PAICS: variants seen among roughly 807,000 people sequenced by gnomAD.
The protein encoded by PAICS is phosphoribosylaminoimidazole carboxylase and phosphoribosylaminoimidazolesuccinocarboxamide synthase.
In PAICS, 33 loss-of-function variants were observed where a neutral mutation model predicts 53.7. The observed-to-expected ratio is 0.61, with a 90% confidence interval of 0.47 to 0.82. PAICS has a LOEUF of 0.82. Among genes scored for constraint, PAICS ranks in the 40% least tolerant of loss-of-function variants. The pLI is 0.00. For synonymous variants in PAICS, 141 were observed against 167.2 expected (o/e 0.84, Z 1.21); for missense variants, 394 against 494.1 (o/e 0.80, Z 1.92).
the PAICS span, chr4:56,425,354 TTTCATTTTAATCCAATAGTACA>T: frequency 3.7e-6 from 2 of 546,558 alleles, no homozygotes; most frequent in Non-Finnish European, 4.7e-6. Flanking sequence ...ACTGAGAACT[TTTCATTTTAATCCAATAGTACA>T]TCCAGATAGA....
rs1374034846 is a variant in PAICS, at chr4:56,446,477, C to T, written c.215-218C>T. The T allele has an allele frequency of 1.3e-4, 92 of 691,034 alleles. 3 individuals are homozygous for T. Among genetic ancestry groups the T allele is most frequent in the South Asian group, 1.2e-3 (77 of 62,930 alleles). 42.8% of individuals were successfully genotyped at this position (691,034 alleles called of 1,614,324 possible). On this transcript the variant is annotated intron_variant, in intron 2 of 8. Coordinates refer to ENST00000512576, the MANE Select transcript of PAICS (RefSeq NM_001079524.2). ...CATGGATGTATCAGGAATTTCGTTC[C>T]TTTTTATGGCTGAACAATACATTGT... is the stretch of plus-strand genomic sequence containing the variant.
At chr4:56,454,991 C>G (rs902141400) in intron 8 of PAICS, among the ~76,000 whole-genome samples, 1 of 152,060 alleles carries the variant, frequency 6.6e-6, no homozygotes, top group Non-Finnish European at 1.5e-5. Context: ...AACCCCATCT[C>G]TACTAAAAAT....
At chr4:56,439,323 G>A (rs1237856770) in intron 1 of PAICS, among the ~76,000 whole-genome samples, 2 of 152,004 alleles carry the variant, frequency 1.3e-5, no homozygotes, top group East Asian at 1.9e-4. Flanking sequence ...TGCAACCTCC[G>A]CCTTTCAGGT....
At chr4:56,424,425 A>C in the PAICS span, among the ~76,000 whole-genome samples, 1 of 152,188 alleles carries the variant, frequency 6.6e-6, no homozygotes, top group Non-Finnish European at 1.5e-5. Flanking sequence ...GGACTGATTC[A>C]CACAGAAGTT....
At chr4:56,454,139 G>A (rs1373344541) in intron 8 of PAICS, among the ~76,000 whole-genome samples, 1 of 152,196 alleles carries the variant, frequency 6.6e-6, no homozygotes, top group Non-Finnish European at 1.5e-5. Context: ...GCTCAAATCT[G>A]TGCTGGCTTT....
At chr4:56,412,984 G>T in the PAICS span, among the ~76,000 whole-genome samples, 8 of 143,394 alleles carry the variant, frequency 5.6e-5, no homozygotes, top group Admixed American at 3.0e-4. Flanking sequence ...ACAATTAATG[G>T]TTCCATAATA....
chr4:56,440,623 A>G (rs145918956), intron 1 of PAICS, among the ~76,000 whole-genome samples: 3 of 152,282 alleles, frequency 2.0e-5, no homozygotes, highest in African/African-American at 7.2e-5. Flanking sequence ...TCCTTTGGCT[A>G]AATTTCGATG....
At chr4:56,448,620 T>TA in intron 4 of PAICS, 23 bp downstream of exon 4, 1 of 1,569,924 alleles carries the variant, frequency 6.4e-7, no homozygotes, top group Non-Finnish European at 8.7e-7. Context: ...CAAGTACAGA[T>TA]AAAACAACAG....
the PAICS span, among the ~76,000 whole-genome samples, chr4:56,412,986 T>G: frequency 7.2e-6 from 1 of 139,158 alleles, no homozygotes; most frequent in Admixed American, 7.9e-5. Context: ...AATTAATGGT[T>G]CCATAATATT....
chr4:56,427,947 ATGCCCAC>A, the PAICS span, among the ~76,000 whole-genome samples: 1 of 152,228 alleles, frequency 6.6e-6, no homozygotes, highest in African/African-American at 2.4e-5. Flanking sequence ...GAAAATGTCT[ATGCCCAC>A]TTCTCACTAA....
chr4:56,437,788 T>TGG (rs1718094829), intron 1 of PAICS, among the ~76,000 whole-genome samples: 1 of 116,706 alleles, frequency 8.6e-6, no homozygotes, highest in Non-Finnish European at 1.6e-5. Context: ...GCCACTGCAC[T>TGG]CCAGCCTGGC....
At chr4:56,420,767 A>T in the PAICS span, 1 of 152,222 alleles carries the variant, frequency 6.6e-6, no homozygotes, top group South Asian at 2.1e-4. Flanking sequence ...CTTTCTTAGA[A>T]GTAGTACATT....
At chr4:56,413,117 G>GT in the PAICS span, among the ~76,000 whole-genome samples, 1 of 150,904 alleles carries the variant, frequency 6.6e-6, no homozygotes, top group African/African-American at 2.4e-5. Context: ...AATTACTTTG[G>GT]TTTTTTGTTG....
upstream of PAICS, chr4:56,436,253 C>CT: frequency 6.4e-7 from 1 of 1,567,342 alleles, no homozygotes; most frequent in Non-Finnish European, 8.6e-7. Context: ...GACCACCCCT[C>CT]TTTTCTAGAG....
chr4:56,420,694 G>C, the PAICS span: 1 of 152,128 alleles, frequency 6.6e-6, no homozygotes, highest in African/African-American at 2.4e-5. Flanking sequence ...ACTAATTGTG[G>C]TAAAATTGAG....
chr4:56,446,068 A>G (rs1297957551), intron 2 of PAICS, among the ~76,000 whole-genome samples: 2 of 152,244 alleles, frequency 1.3e-5, no homozygotes, highest in African/African-American at 4.8e-5. Flanking sequence ...TAAACAAAAA[A>G]GATGTATTTA....
the PAICS span, among the ~76,000 whole-genome samples, chr4:56,426,092 T>G: frequency 6.6e-6 from 1 of 152,156 alleles, no homozygotes; most frequent in Non-Finnish European, 1.5e-5. Context: ...TTAGAACATT[T>G]TGATCACCCC....
At chr4:56,433,464 C>A (rs1578140265), upstream of PAICS, among the ~76,000 whole-genome samples, 2 of 128,678 alleles carry the variant, frequency 1.6e-5, no homozygotes, top group Admixed American at 7.9e-5. Flanking sequence ...AAACTGGGTA[C>A]TAAAACTCCA....
At position 56,459,606 on chromosome 4, in the gene PAICS, G is replaced by C. The variant is rs1039508718; in HGVS notation, c.*68G>C. On this transcript the variant is annotated 3_prime_UTR_variant, in exon 9 of 9. Coordinates refer to ENST00000512576, the MANE Select transcript of PAICS (RefSeq NM_001079524.2). ...TCTAATTTAGCTGAAGGAAAATCAA[G>C]CAAGATGAAAAGGTAATTTTAAATT... 4 of 1,192,848 alleles carry C rather than the reference G, an allele frequency of 3.4e-6. No homozygotes were observed. The African/African-American group carries it at 6.1e-5, about 18-fold the overall frequency. The allele number at this position is 1,192,848 out of a possible 1,614,324, so 73.9% of individuals were successfully genotyped here.
Sources: allele counts gnomAD v4.1 joint callset (sites outside exome capture counted in the v4.1 genomes callset), GRCh38; gene constraint gnomAD v4.1.1; transcripts MANE v1.5; gene names NCBI Gene and HGNC (gene_info 2026-07-23, HGNC 2026-07-21).